MAPK14: variants seen among roughly 807,000 people sequenced by gnomAD.
The protein encoded by MAPK14 is mitogen-activated protein kinase 14, also known as CSAID-binding protein.
A neutral mutation model predicts 49.6 loss-of-function variants in MAPK14; 16 were observed. The observed-to-expected ratio is 0.32, with a 90% CI of 0.22 to 0.49. The LOEUF (loss-of-function observed/expected upper bound fraction) is 0.49, where lower values mean the gene tolerates loss of function less well. Among genes scored for constraint, MAPK14 ranks in the 20% least tolerant of loss-of-function variants. The pLI is 0.99. For missense variants in MAPK14, 200 were observed against 441.2 expected, an observed-to-expected ratio of 0.45 and a Z score of 4.90; for synonymous variants, 142 against 158.0, an observed-to-expected ratio of 0.90 and a Z score of 0.76.
chr6:36,113,650 A>G (rs142280322), downstream of MAPK14, among the ~76,000 whole-genome samples: 157 of 152,362 alleles, frequency 1.0e-3, no homozygotes, highest in Non-Finnish European at 2.1e-3. Flanking sequence ...ATCTCTAGGC[A>G]GTGGGATTGT....
intron 1 of MAPK14, among the ~76,000 whole-genome samples, chr6:36,029,493 T>C (rs1465241667): frequency 6.6e-6 from 1 of 152,250 alleles, no homozygotes; most frequent in African/African-American, 2.4e-5. Context: ...GTATCAGATT[T>C]AACTGTTAGC....
chr6:36,091,848 T>C (rs1264338708), intron 8 of MAPK14: 1 of 176,120 alleles, frequency 5.7e-6, no homozygotes, highest in African/African-American at 2.4e-5. Context: ...TCTTTTCTTT[T>C]TTTTTTTTTT....
At chr6:36,033,008 C>T (rs1762600255) in intron 1 of MAPK14, among the ~76,000 whole-genome samples, 5 of 150,648 alleles carry the variant, frequency 3.3e-5, no homozygotes. Flanking sequence ...TTAGAATGAG[C>T]CAGGGCACAA....
At chr6:36,081,273 A>G (rs1764749425) in intron 8 of MAPK14, among the ~76,000 whole-genome samples, 1 of 151,986 alleles carries the variant, frequency 6.6e-6, no homozygotes, top group African/African-American at 2.4e-5. Context: ...ATTTACCCCT[A>G]TGTTTTCTAC....
At position 36,107,615 on chromosome 6, in the gene MAPK14, A is replaced by G; in HGVS notation, c.1002A>G (p.Ile334Met). Residue 334 changes from isoleucine to methionine, a missense_variant, in exon 11 of 12, where the codon ATA becomes ATG. By Grantham distance (10) the Ile-to-Met change is conservative. This residue lies in a region of MAPK14 where 170 missense variants were observed against 407.0 expected (regional missense o/e 0.42). Transcript: ENST00000229794. The surrounding 1 kb of genome is among the most constrained non-coding windows in gnomAD (Gnocchi z 4.3). Reference protein sequence around the residue: ...DQSFESRDLLIDEWKSLTYDE... With the variant: ...DQSFESRDLLMDEWKSLTYDE... ...CCTTTGAAAGCAGGGACCTCCTTATAGATGAGTGGAAAAGTAAGTCCTAAG... is the reference window on the plus strand; with the variant it reads ...CCTTTGAAAGCAGGGACCTCCTTATGGATGAGTGGAAAAGTAAGTCCTAAG... 6.3e-7 allele frequency: 1 copy of G among 1,575,446 alleles called. No individual in the cohort carries two copies. The highest frequency in any genetic ancestry group is 8.6e-7 in the Non-Finnish European group (1 of 1,163,984).
chr6:36,044,872 C>T (rs1486341635), intron 1 of MAPK14, among the ~76,000 whole-genome samples: 2 of 152,194 alleles, frequency 1.3e-5, no homozygotes, highest in Non-Finnish European at 2.9e-5. Context: ...TGGCTCATGC[C>T]TGTAACCCCT....
At chr6:36,117,186 C>T in the MAPK14 span, among the ~76,000 whole-genome samples, 1 of 152,178 alleles carries the variant, frequency 6.6e-6, no homozygotes, top group Non-Finnish European at 1.5e-5. Context: ...CTCTACTCAT[C>T]TGGGATAGAA....
At chr6:36,043,694 C>T (rs1763052449) in intron 1 of MAPK14, among the ~76,000 whole-genome samples, 1 of 151,776 alleles carries the variant, frequency 6.6e-6, no homozygotes, top group South Asian at 2.1e-4. Flanking sequence ...TATTAATTAT[C>T]CTGATTCAGT....
the MAPK14 span, among the ~76,000 whole-genome samples, chr6:36,123,499 T>C: frequency 3.7e-3 from 556 of 152,324 alleles, 4 homozygotes; most frequent in African/African-American, 0.012. Flanking sequence ...TCCCCTACTA[T>C]TGCTTACTCG....
At chr6:36,081,252 G>C (rs1764748240) in intron 8 of MAPK14, among the ~76,000 whole-genome samples, 1 of 151,968 alleles carries the variant, frequency 6.6e-6, no homozygotes, top group Non-Finnish European at 1.5e-5. Context: ...CCAAATTCAA[G>C]GTCATGAATA....
At position 36,079,372 on chromosome 6, in the gene MAPK14, T is replaced by G. The variant is rs6926918; in HGVS notation, c.682+2764T>G. ...CTGAAAGACATGCACCTGTCACTTA[T>G]TTATGATATTTAAATGCAACCTCTA... On this transcript the variant is annotated intron_variant, in intron 8 of 11. Coordinates refer to ENST00000229794, the MANE Select transcript of MAPK14 (RefSeq NM_139012.3). Among the ~76,000 whole-genome samples, 504 of 152,302 alleles carry G rather than the reference T, an allele frequency of 3.3e-3. 1 individual carries two copies. Among genetic ancestry groups the G allele is most frequent in the African/African-American group, 0.011 (478 of 41,572 alleles).
chr6:36,052,457 A>G (rs967856964), intron 1 of MAPK14, among the ~76,000 whole-genome samples: 1 of 152,192 alleles, frequency 6.6e-6, no homozygotes, highest in African/African-American at 2.4e-5. Context: ...CTGGCCCTTC[A>G]TTGAAAAAAA....
At chr6:36,036,199 G>A (rs1413644264) in intron 1 of MAPK14, among the ~76,000 whole-genome samples, 4 of 143,486 alleles carry the variant, frequency 2.8e-5, no homozygotes, top group Non-Finnish European at 6.0e-5. Flanking sequence ...CAACCAAGTG[G>A]CAACCGAGAT....
chr6:36,073,944 A>G, intron 5 of MAPK14, 105 bp from the exon 6 acceptor site: 1 of 950,454 alleles, frequency 1.1e-6, no homozygotes, highest in Non-Finnish European at 1.7e-6. Context: ...GTCTTTTGAT[A>G]GCTGGATGAA....
downstream of MAPK14, among the ~76,000 whole-genome samples, chr6:36,115,996 C>T (rs1301689662): frequency 6.6e-6 from 1 of 151,630 alleles, no homozygotes; most frequent in Non-Finnish European, 1.5e-5. Flanking sequence ...GTAGTCCCAG[C>T]TACTGAGGAG....
At chr6:36,056,594 T>C (rs930736945) in intron 2 of MAPK14, among the ~76,000 whole-genome samples, 1 of 152,194 alleles carries the variant, frequency 6.6e-6, no homozygotes, top group Non-Finnish European at 1.5e-5. Context: ...GTGTTTTCAG[T>C]TTGAAATTGG....
intron 1 of MAPK14, among the ~76,000 whole-genome samples, chr6:36,042,214 G>T (rs78298407): frequency 0.089 from 13,508 of 152,182 alleles, 723 homozygotes; most frequent in Middle Eastern, 0.12. Flanking sequence ...GACTTAGGCA[G>T]TTGCATTTCT....
At chr6:36,118,952 A>C in the MAPK14 span, among the ~76,000 whole-genome samples, 1 of 152,190 alleles carries the variant, frequency 6.6e-6, no homozygotes. Context: ...TGCTGATCTT[A>C]CCAGGGTCAA....
intron 1 of MAPK14, among the ~76,000 whole-genome samples, chr6:36,049,563 T>C (rs1763315093): frequency 6.6e-6 from 1 of 152,230 alleles, no homozygotes; most frequent in African/African-American, 2.4e-5. Flanking sequence ...AATTTTCATT[T>C]CTTATAAATT....
Sources: allele counts gnomAD v4.1 joint callset (sites outside exome capture counted in the v4.1 genomes callset), GRCh38; gene constraint gnomAD v4.1.1; regional missense constraint gnomAD v4.1.1; non-coding constraint Gnocchi (gnomAD v3.1); transcripts MANE v1.5; gene names NCBI Gene and HGNC (gene_info 2026-07-23, HGNC 2026-07-21).